The following LRP1B variants were observed in gnomAD, a reference collection of about 807,000 sequenced individuals.
LRP1B encodes the protein low-density lipoprotein receptor-related protein 1B.
A neutral mutation model predicts 556.6 loss-of-function variants in LRP1B; 217 were observed. The ratio of observed to expected loss-of-function variants is 0.39; its 90% CI spans 0.35 to 0.44. The LOEUF is 0.44. Among genes scored for constraint, LRP1B ranks in the 20% least tolerant of loss-of-function variants. The pLI is 1.00. For missense variants in LRP1B, 5,053 were observed against 5,620.8 expected, an observed-to-expected ratio of 0.90 and a Z score of 3.23; for synonymous variants, 2,047 against 1,865.8, an observed-to-expected ratio of 1.10 and a Z score of -2.50.
chr2:140,697,603 C>T (rs527381555), intron 41 of LRP1B, among the ~76,000 whole-genome samples: 12 of 152,010 alleles, frequency 7.9e-5, no homozygotes, highest in African/African-American at 2.9e-4. Flanking sequence ...TATTATTCAG[C>T]CATAAAAAGA....
At chr2:140,921,816 A>T (rs1332558799) in intron 21 of LRP1B, among the ~76,000 whole-genome samples, 1 of 151,994 alleles carries the variant, frequency 6.6e-6, no homozygotes, top group Non-Finnish European at 1.5e-5. Flanking sequence ...TTTAACTGTA[A>T]CCAAGAGGCA....
At chr2:141,968,954 T>A (rs1300227038) in intron 1 of LRP1B, among the ~76,000 whole-genome samples, 3 of 151,696 alleles carry the variant, frequency 2.0e-5, no homozygotes, top group African/African-American at 4.8e-5. Flanking sequence ...TTTCTTTTTT[T>A]CTTTTTTTTA....
intron 1 of LRP1B, among the ~76,000 whole-genome samples, chr2:141,994,105 T>C (rs1166086539): frequency 1.3e-5 from 2 of 152,194 alleles, no homozygotes; most frequent in African/African-American, 4.8e-5. Context: ...AGTGGCAGTC[T>C]TTGAGAGTTC....
chr2:140,715,729 C>T (rs114681918), intron 37 of LRP1B, among the ~76,000 whole-genome samples: 3 of 152,098 alleles, frequency 2.0e-5, no homozygotes, highest in African/African-American at 7.2e-5. Flanking sequence ...AATTGAGAAT[C>T]TGGAATCATG....
intron 1 of LRP1B, among the ~76,000 whole-genome samples, chr2:142,075,872 T>G (rs1574657620): frequency 6.6e-6 from 1 of 152,278 alleles, no homozygotes; most frequent in East Asian, 1.9e-4. Flanking sequence ...AATCAACTGG[T>G]AAGCCCATAG....
At chr2:140,905,522 G>T (rs1694225558) in intron 22 of LRP1B, among the ~76,000 whole-genome samples, 1 of 152,122 alleles carries the variant, frequency 6.6e-6, no homozygotes, top group African/African-American at 2.4e-5. Flanking sequence ...CAAACACCTG[G>T]GAAGGGAACT....
chr2:142,034,656 A>G (rs1703815888), intron 1 of LRP1B, among the ~76,000 whole-genome samples: 2 of 151,786 alleles, frequency 1.3e-5, no homozygotes, highest in African/African-American at 4.8e-5. Context: ...TTTTGCTGTT[A>G]ACTCCTGAAT....
At chr2:141,787,189 C>T (rs1695455305) in intron 2 of LRP1B, among the ~76,000 whole-genome samples, 1 of 151,886 alleles carries the variant, frequency 6.6e-6, no homozygotes, top group Admixed American at 6.6e-5. Flanking sequence ...ATGGAAGTTT[C>T]TCATAAATTT....
At chr2:140,604,726 T>C (rs1682804425) in intron 41 of LRP1B, among the ~76,000 whole-genome samples, 1 of 152,102 alleles carries the variant, frequency 6.6e-6, no homozygotes, top group Non-Finnish European at 1.5e-5. Context: ...CTCACCCAAA[T>C]CTCATCTTGA....
Position 140,233,233 on chromosome 2 carries a change from G to C in LRP1B, c.13753C>G (p.Leu4585Val), listed in dbSNP as rs1680544968. The part of the protein sequence containing the change: ...SLGSVDERKE[L>V]LPKKIEIGIR... ...CCAATTTCTATTTTCTTTGGAAGCA[G>C]TTCTTTCCTTTCATCAACACTTCCT... Residue 4585 changes from leucine (L) to valine (V), a missense_variant, in exon 91 of 91, where the codon CTG becomes GTG. Coordinates refer to ENST00000389484, the MANE Select transcript of LRP1B (RefSeq NM_018557.3). The C allele has an allele frequency of 6.2e-7, 1 of 1,605,360 alleles. No individual in the cohort carries two copies. Among genetic ancestry groups the C allele is most frequent in the Admixed American group, 1.7e-5 (1 of 59,506 alleles).
At chr2:142,053,350 T>A (rs1466905934) in intron 1 of LRP1B, among the ~76,000 whole-genome samples, 1 of 152,118 alleles carries the variant, frequency 6.6e-6, no homozygotes, top group Non-Finnish European at 1.5e-5. Context: ...TAGACAGTCA[T>A]TAGGAATAAA....
At chr2:140,402,338 G>T (rs1302599158) in intron 66 of LRP1B, among the ~76,000 whole-genome samples, 1 of 152,266 alleles carries the variant, frequency 6.6e-6, no homozygotes, top group Non-Finnish European at 1.5e-5. Context: ...AAGCCTTGAG[G>T]CTCATGAAGA....
At chr2:140,838,474 T>C (rs1691990354) in intron 31 of LRP1B, among the ~76,000 whole-genome samples, 1 of 152,186 alleles carries the variant, frequency 6.6e-6, no homozygotes, top group African/African-American at 2.4e-5. Context: ...AGTATCATTT[T>C]ATATGAGAGG....
chr2:141,084,704 C>G (rs536615233), intron 7 of LRP1B, among the ~76,000 whole-genome samples: 5 of 149,634 alleles, frequency 3.3e-5, no homozygotes, highest in Non-Finnish European at 5.9e-5. Flanking sequence ...GACTGGAGTG[C>G]AGTGGTGCGA....
At chr2:141,954,800 C>T (rs1252892732) in intron 1 of LRP1B, among the ~76,000 whole-genome samples, 1 of 152,064 alleles carries the variant, frequency 6.6e-6, no homozygotes, top group Non-Finnish European at 1.5e-5. Context: ...CTGAGTCTCT[C>T]AGCTACATAT....
At chr2:140,733,879 C>A (rs1242095233) in intron 35 of LRP1B, among the ~76,000 whole-genome samples, 2 of 152,134 alleles carry the variant, frequency 1.3e-5, no homozygotes, top group Non-Finnish European at 2.9e-5. Context: ...TTGCTGTAAG[C>A]AAAATTTAAT....
chr2:140,406,399 A>G (rs1558860794), intron 66 of LRP1B, among the ~76,000 whole-genome samples: 1 of 152,158 alleles, frequency 6.6e-6, no homozygotes, highest in Non-Finnish European at 1.5e-5. Context: ...AGAGGAAGTC[A>G]TACCAGTGCT....
chr2:141,448,265 C>A (rs1465037574), intron 3 of LRP1B, among the ~76,000 whole-genome samples: 1 of 152,118 alleles, frequency 6.6e-6, no homozygotes, highest in East Asian at 1.9e-4. Flanking sequence ...TGCCCCTCCC[C>A]CAACCAAGCT....
chr2:140,441,408 T>C lies in LRP1B; in HGVS notation c.10414+1096A>G, dbSNP rs1043941138. ...GCAGTTTGAGGCTTTGTGAATTGAT[T>C]ATGAAAACAAATTCTACAAAGTGGC... On this transcript the variant is annotated intron_variant, in intron 66 of 90. Coordinates refer to ENST00000389484, the MANE Select transcript of LRP1B (RefSeq NM_018557.3). Among the ~76,000 whole-genome samples, 8 of 152,176 alleles carry C rather than the reference T, an allele frequency of 5.3e-5. No homozygotes were observed. In the East Asian group the frequency reaches 1.5e-3, roughly 29 times the overall value.
Sources: gnomAD v4.1 joint callset for allele counts (sites outside exome capture counted in the v4.1 genomes callset) on GRCh38, gnomAD v4.1.1 for gene constraint, MANE v1.5 for transcripts, NCBI Gene and HGNC (gene_info 2026-07-23, HGNC 2026-07-21) for gene names.